CDH17: variants seen among roughly 807,000 people sequenced by gnomAD.
The protein encoded by CDH17 is cadherin-17.
CDH17 carries 67 observed loss-of-function variants against 86.3 expected under a neutral mutation model. The ratio of observed to expected loss-of-function variants is 0.78; its 90% CI spans 0.64 to 0.95. The LOEUF (loss-of-function observed/expected upper bound fraction) is 0.95. CDH17 is among the 40% of genes least tolerant of loss of function. The pLI, the probability that CDH17 is intolerant of heterozygous loss-of-function variation, is 0.00. For synonymous variants in CDH17, 367 were observed against 366.4 expected (o/e 1.00, Z -0.02); for missense variants, 993 against 1,017.6 (o/e 0.98, Z 0.33).
At chr8:94,135,494 CT>C (rs1812505567) in intron 15 of CDH17, among the ~76,000 whole-genome samples, 1 of 151,948 alleles carries the variant, frequency 6.6e-6, no homozygotes, top group Non-Finnish European at 1.5e-5. Context: ...GCTTTTTTTG[CT>C]TTCCATTTGC....
intron 5 of CDH17, among the ~76,000 whole-genome samples, chr8:94,176,277 G>T (rs1276652223): frequency 6.6e-6 from 1 of 152,146 alleles, no homozygotes; most frequent in Non-Finnish European, 1.5e-5. Flanking sequence ...AGGTCAGGGG[G>T]ATGCTGCCAA....
intron 1 of CDH17, among the ~76,000 whole-genome samples, chr8:94,199,344 G>A (rs1268841414): frequency 6.6e-6 from 1 of 151,782 alleles, no homozygotes; most frequent in Non-Finnish European, 1.5e-5. Context: ...AAGCTTTATT[G>A]TGTAATACAT....
At chr8:94,182,875 TA>T (rs1563582962) in intron 3 of CDH17, among the ~76,000 whole-genome samples, 1 of 152,024 alleles carries the variant, frequency 6.6e-6, no homozygotes, top group Non-Finnish European at 1.5e-5. Flanking sequence ...CTAAGGAACC[TA>T]AAAAAACTAT....
rs1563568367 is a variant in CDH17, at chr8:94,146,122, A to G, written c.1973T>C (p.Met658Thr). ...CCTGGGAGGGTTGTCATTCACATCC[A>G]TAAGGATCAGGTGGAACTCTGACAC... is the stretch of plus-strand genomic sequence containing the variant. Reference protein sequence around the residue: ...SSVSEFHLILMDVNDNPPRLA... With the variant: ...SSVSEFHLILTDVNDNPPRLA... The change falls in exon 15 of 18, where the codon ATG (methionine) becomes ACG (threonine). Residue 658 changes from methionine (M) to threonine (T), a missense_variant. Coordinates refer to ENST00000027335, the MANE Select transcript of CDH17 (RefSeq NM_004063.4). The G allele has an allele frequency of 1.2e-6, 2 of 1,609,436 alleles. No individual in the cohort carries two copies.
In CDH17 at chr8:94,148,833, T is replaced by A; in HGVS notation, c.1838A>T (p.Asp613Val). Residue 613 changes from aspartate to valine, a missense_variant, in exon 14 of 18, where the codon GAC becomes GTC. Transcript: ENST00000027335. Reference protein sequence around the residue: ...RGDTRGWLKIDHVTGEIFSVA... With the variant: ...RGDTRGWLKIVHVTGEIFSVA... ...ACTAAAGATCTCACCAGTCACGTGG[T>A]CAATTTTAAGCCAACCTCTTGTGTC... The A allele has an allele frequency of 6.2e-7, 1 of 1,609,824 alleles. No homozygotes were observed. The highest frequency in any genetic ancestry group is 8.5e-7 in the Non-Finnish European group (1 of 1,178,284).
chr8:94,185,025 T>C (rs547615486), intron 3 of CDH17, among the ~76,000 whole-genome samples: 2 of 152,230 alleles, frequency 1.3e-5, no homozygotes, highest in African/African-American at 4.8e-5. Flanking sequence ...AAGGCTGGGT[T>C]TGCTGCATTC....
intron 12 of CDH17, among the ~76,000 whole-genome samples, chr8:94,153,198 T>C (rs1812887490): frequency 6.6e-6 from 1 of 152,142 alleles, no homozygotes; most frequent in African/African-American, 2.4e-5. Context: ...GTTTAAAACC[T>C]AGGCAAAGGA....
At chr8:94,191,746 G>A (rs933601193) in intron 2 of CDH17, among the ~76,000 whole-genome samples, 1 of 152,178 alleles carries the variant, frequency 6.6e-6, no homozygotes, top group African/African-American at 2.4e-5. Context: ...GAGCAACCAT[G>A]CCCGGCCAAG....
At chr8:94,162,011 G>T in intron 11 of CDH17, 75 bp downstream of exon 11, 1 of 939,732 alleles carries the variant, frequency 1.1e-6, no homozygotes, top group Non-Finnish European at 1.7e-6. Context: ...GCTACTGTCT[G>T]TGTCTCTATC....
intron 3 of CDH17, among the ~76,000 whole-genome samples, chr8:94,187,314 C>T (rs978113501): frequency 2.0e-5 from 3 of 152,248 alleles, no homozygotes; most frequent in African/African-American, 7.2e-5. Context: ...CCACCAGCCT[C>T]CCATGAGAAG....
intron 15 of CDH17, among the ~76,000 whole-genome samples, chr8:94,133,380 A>G (rs919116162): frequency 1.3e-5 from 2 of 152,116 alleles, no homozygotes; most frequent in African/African-American, 2.4e-5. Context: ...GGTCCTTCAC[A>G]TCCCTTGTAA....
chr8:94,179,878 G>A (rs528244553), intron 3 of CDH17, among the ~76,000 whole-genome samples: 2 of 152,102 alleles, frequency 1.3e-5, no homozygotes, highest in African/African-American at 4.8e-5. Context: ...TTCTAGAGTT[G>A]CCACATCACA....
intron 14 of CDH17, among the ~76,000 whole-genome samples, chr8:94,148,252 C>T (rs1812783368): frequency 6.6e-6 from 1 of 152,042 alleles, no homozygotes; most frequent in Non-Finnish European, 1.5e-5. Context: ...TTAACAAAAC[C>T]ACAAAGGGGC....
intron 15 of CDH17, among the ~76,000 whole-genome samples, chr8:94,137,024 A>C (rs181529995): frequency 4.6e-5 from 7 of 152,294 alleles, no homozygotes; most frequent in Middle Eastern, 3.4e-3. Context: ...TTTGTCCCAG[A>C]GTGCTACCCA....
At position 94,130,992 on chromosome 8, in the gene CDH17, C is replaced by A. The variant is rs1455468761; in HGVS notation, c.2168G>T (p.Gly723Val). Reference sequence around the variant, plus strand: ...CCTGGTAGACAGTCGGGCATGAGTACCTGCCAGGACAGGAAAAAAAAATGA... The same window carrying A: ...CCTGGTAGACAGTCGGGCATGAGTAACTGCCAGGACAGGAAAAAAAAATGA... ...QNDWEVSKINGTHARLSTRHT... is the reference protein window; with the variant it reads ...QNDWEVSKINVTHARLSTRHT... Residue 723 changes from glycine to valine, a missense_variant and splice_region_variant, in exon 16 of 18, where the codon GGT becomes GTT. Physicochemically the swap from Gly to Val is moderately radical, Grantham distance 109 (BLOSUM62 -3). Transcript: ENST00000027335. The A allele has an allele frequency of 1.4e-6, 2 of 1,471,760 alleles. No individual in the cohort carries two copies. The highest frequency in any genetic ancestry group is 2.3e-5 in the East Asian group (1 of 44,294). 91.2% of individuals were successfully genotyped at this position (1,471,760 alleles called of 1,614,324 possible).
At chr8:94,195,921 T>A (rs543252173) in intron 1 of CDH17, among the ~76,000 whole-genome samples, 1 of 152,120 alleles carries the variant, frequency 6.6e-6, no homozygotes, top group Non-Finnish European at 1.5e-5. Context: ...CCACCACGCC[T>A]GGCTAATTTT....
intron 3 of CDH17, among the ~76,000 whole-genome samples, chr8:94,180,152 G>T (rs924774435): frequency 7.9e-5 from 12 of 151,750 alleles, no homozygotes; most frequent in African/African-American, 2.7e-4. Context: ...TAACTGAAAG[G>T]AAAAATTCAT....
chr8:94,191,449 CTTT>C (rs34208252), intron 2 of CDH17, among the ~76,000 whole-genome samples: 440 of 119,802 alleles, frequency 3.7e-3, no homozygotes, highest in African/African-American at 5.0e-3. Context: ...CAAGAAAATG[CTTT>C]TTTTTTTTTT....
chr8:94,175,608 G>A (rs956388757), intron 5 of CDH17, among the ~76,000 whole-genome samples: 2 of 152,128 alleles, frequency 1.3e-5, no homozygotes, highest in African/African-American at 4.8e-5. Flanking sequence ...ACTGTTAGGA[G>A]GTGATGCTCC....
Sources: allele counts gnomAD v4.1 joint callset (sites outside exome capture counted in the v4.1 genomes callset), GRCh38; gene constraint gnomAD v4.1.1; transcripts MANE v1.5; gene names NCBI Gene and HGNC (gene_info 2026-07-23, HGNC 2026-07-21).